GRIK2: variants seen among roughly 807,000 people sequenced by gnomAD.
GRIK2 encodes the protein glutamate ionotropic receptor kainate type subunit 2, also known as glutamate receptor ionotropic, kainate 2.
In GRIK2, 32 loss-of-function variants were observed where a neutral mutation model predicts 100.3. The observed-to-expected ratio is 0.32, with a 90% CI of 0.24 to 0.43. The LOEUF is 0.43. GRIK2 is among the 20% of genes least tolerant of loss of function. The probability of loss-of-function intolerance (pLI) is 1.00; values close to 1 mark genes in which losing one functional copy is unlikely to be tolerated. For missense variants in GRIK2, 843 were observed against 1,114.9 expected, an observed-to-expected ratio of 0.76 and a Z score of 3.47; for synonymous variants, 417 against 389.4, an observed-to-expected ratio of 1.07 and a Z score of -0.83.
intron 2 of GRIK2, among the ~76,000 whole-genome samples, chr6:101,503,922 G>A (rs1423765723): frequency 6.6e-6 from 1 of 152,118 alleles, no homozygotes; most frequent in Non-Finnish European, 1.5e-5. Flanking sequence ...GAAATACTAT[G>A]TAGAGACTAT....
intron 14 of GRIK2, among the ~76,000 whole-genome samples, chr6:102,027,250 ATTG>A (rs994175538): frequency 2.0e-5 from 3 of 151,298 alleles, no homozygotes; most frequent in Non-Finnish European, 4.4e-5. Flanking sequence ...CAAAATTTAC[ATTG>A]TTAATTTTAA....
At chr6:101,822,743 T>A (rs114696342) in intron 10 of GRIK2, among the ~76,000 whole-genome samples, 3,736 of 151,942 alleles carry the variant, frequency 0.025, 160 homozygotes, top group African/African-American at 0.085. Context: ...ATATATATAT[T>A]TTTTCTTTTT....
chr6:101,785,063 G>GT (rs1305369839), intron 7 of GRIK2, among the ~76,000 whole-genome samples: 1 of 152,010 alleles, frequency 6.6e-6, no homozygotes, highest in Non-Finnish European at 1.5e-5. Context: ...GATAATGAGT[G>GT]TTTTTTATAT....
intron 14 of GRIK2, among the ~76,000 whole-genome samples, chr6:101,999,512 A>G (rs1319050120): frequency 3.3e-5 from 5 of 152,054 alleles, no homozygotes; most frequent in Admixed American, 2.6e-4. Context: ...CAAAAACTTC[A>G]CTTTTGTAGA....
intron 2 of GRIK2, among the ~76,000 whole-genome samples, chr6:101,407,800 G>T (rs1345792734): frequency 1.3e-5 from 2 of 152,104 alleles, no homozygotes; most frequent in Non-Finnish European, 2.9e-5. Flanking sequence ...AAAGAGAAAA[G>T]ATATGTACAT....
At chr6:101,503,175 T>G (rs1044793492) in intron 2 of GRIK2, among the ~76,000 whole-genome samples, 2 of 151,884 alleles carry the variant, frequency 1.3e-5, no homozygotes, top group Non-Finnish European at 2.9e-5. Flanking sequence ...ACCTTAAGTG[T>G]TTTTTTTGTT....
rs1367921121 is a variant in GRIK2, at chr6:101,393,792, G to T, written c.-339G>T. On this transcript the variant is annotated 5_prime_UTR_variant, in exon 1 of 17. Transcript: ENST00000369134. ...CGACCTCCTCCGGCTGCTCCTCCCC[G>T]AGGACCACCCCACCCCCTCCCCGCC... Among the ~76,000 whole-genome samples the T allele has an allele frequency of 6.6e-6, 1 of 151,614 alleles. No homozygotes were observed. Among genetic ancestry groups the T allele is most frequent in the Non-Finnish European group, 1.5e-5 (1 of 67,904 alleles).
chr6:101,881,572 A>G (rs1185359704), intron 11 of GRIK2, among the ~76,000 whole-genome samples: 1 of 152,000 alleles, frequency 6.6e-6, no homozygotes, highest in Non-Finnish European at 1.5e-5. Context: ...CTGTGAAGAA[A>G]ACAGGAAATT....
intron 12 of GRIK2, among the ~76,000 whole-genome samples, chr6:101,906,557 A>T (rs1788244978): frequency 6.6e-6 from 1 of 151,702 alleles, no homozygotes. Context: ...GGACAAATGT[A>T]CATGGGAAGG....
chr6:101,531,822 TATCAGATTTACTTCCTGAACATCTCAC>T (rs1311072840), intron 2 of GRIK2, among the ~76,000 whole-genome samples: 44 of 151,978 alleles, frequency 2.9e-4, no homozygotes, highest in Middle Eastern at 3.4e-3. Flanking sequence ...ATCCTTGTTC[TATCAGATTTACTTCCTGAACATCTCAC>T]AAGTGGATAC....
intron 2 of GRIK2, among the ~76,000 whole-genome samples, chr6:101,426,239 G>A (rs1360758035): frequency 6.6e-6 from 1 of 152,162 alleles, no homozygotes; most frequent in Non-Finnish European, 1.5e-5. Flanking sequence ...TGCATTAGCT[G>A]TGTGACCTGT....
intron 2 of GRIK2, chr6:101,430,830 G>A: frequency 3.4e-6 from 1 of 297,416 alleles, no homozygotes; most frequent in Non-Finnish European, 7.1e-6. Flanking sequence ...GTCTAGGGCA[G>A]CATAGCACAG....
At chr6:101,893,035 A>T (rs1021429417) in intron 12 of GRIK2, among the ~76,000 whole-genome samples, 2 of 151,296 alleles carry the variant, frequency 1.3e-5, no homozygotes, top group Non-Finnish European at 3.0e-5. Context: ...GGCAAATAAA[A>T]TGTTCAAGTT....
intron 10 of GRIK2, among the ~76,000 whole-genome samples, chr6:101,823,728 G>T (rs979568225): frequency 2.0e-5 from 3 of 152,078 alleles, no homozygotes; most frequent in Non-Finnish European, 4.4e-5. Context: ...CCTTCAGTTT[G>T]TAACCTGGTC....
At chr6:101,412,232 G>C (rs182615855) in intron 2 of GRIK2, among the ~76,000 whole-genome samples, 2 of 152,090 alleles carry the variant, frequency 1.3e-5, no homozygotes, top group East Asian at 3.9e-4. Flanking sequence ...TTATATATTT[G>C]TTTTAGGTAG....
intron 2 of GRIK2, among the ~76,000 whole-genome samples, chr6:101,491,318 A>T (rs560654254): frequency 9.2e-5 from 14 of 151,572 alleles, no homozygotes; most frequent in African/African-American, 3.4e-4. Flanking sequence ...GAAACCTCAC[A>T]TTCATTTGGG....
intron 2 of GRIK2, among the ~76,000 whole-genome samples, chr6:101,490,585 T>G (rs1773054111): frequency 6.8e-6 from 1 of 146,890 alleles, no homozygotes; most frequent in African/African-American, 2.6e-5. Flanking sequence ...TTGGGGGTGT[T>G]AATAGGAAAG....
At chr6:102,019,978 G>A (rs1769338948) in intron 14 of GRIK2, among the ~76,000 whole-genome samples, 1 of 151,878 alleles carries the variant, frequency 6.6e-6, no homozygotes, top group Non-Finnish European at 1.5e-5. Flanking sequence ...ATTTCAGACA[G>A]ATGCAGCATT....
intron 2 of GRIK2, among the ~76,000 whole-genome samples, chr6:101,535,827 C>T (rs1310889437): frequency 6.6e-6 from 1 of 151,542 alleles, no homozygotes; most frequent in Non-Finnish European, 1.5e-5. Flanking sequence ...CTTTTAATGA[C>T]AGTAAGCACC....
Sources: gnomAD v4.1 joint callset for allele counts (sites outside exome capture counted in the v4.1 genomes callset) on GRCh38, gnomAD v4.1.1 for gene constraint, MANE v1.5 for transcripts, NCBI Gene and HGNC (gene_info 2026-07-23, HGNC 2026-07-21) for gene names.